Variants in CARF observed in about 807,000 individuals in gnomAD.
CARF encodes calcium responsive transcription factor, also known as calcium-responsive transcription factor.
Under a neutral mutation model 82.0 loss-of-function variants are expected in CARF, and 57 were observed. The ratio of observed to expected loss-of-function variants is 0.70; its 90% confidence interval spans 0.56 to 0.87. The LOEUF (loss-of-function observed/expected upper bound fraction) is 0.87. Ranked by LOEUF, CARF falls within the 40% of genes least tolerant of loss-of-function variation. CARF has a pLI of 0.00. For synonymous variants in CARF, 268 were observed against 290.1 expected (o/e 0.92, Z 0.77); for missense variants, 771 against 855.8 (o/e 0.90, Z 1.24).
In CARF at chr2:202,983,489, T is replaced by C; in HGVS notation, c.2060-17T>C. 6.9e-7 allele frequency: 1 copy of C among 1,454,364 alleles called. No homozygotes were observed. Among genetic ancestry groups the C allele is most frequent in the South Asian group, 1.2e-5 (1 of 82,794 alleles). The allele number at this position is 1,454,364 out of a possible 1,614,324, so 90.1% of individuals were successfully genotyped here. A position where few individuals can be genotyped will look rare whatever the true frequency, so the allele number is the denominator to read the frequency against. On this transcript the variant is annotated splice_polypyrimidine_tract_variant and intron_variant, in intron 16 of 16. Transcript: ENST00000438828. Reference sequence around the variant, plus strand: ...GAAATAGATTAACTTTTAGGATTTTTCTGTTTGTTTTTAAAGTTGAAGAAA... The same window carrying C: ...GAAATAGATTAACTTTTAGGATTTTCCTGTTTGTTTTTAAAGTTGAAGAAA...
At chr2:202,932,914 G>A (rs1559200811) in intron 3 of CARF, among the ~76,000 whole-genome samples, 1 of 152,080 alleles carries the variant, frequency 6.6e-6, no homozygotes. Flanking sequence ...CCCTGGGATG[G>A]GCAGCTGCTC....
Position 202,912,933 on chromosome 2 carries a change from T to G in CARF, c.-499T>G, listed in dbSNP as rs1688906072. The G allele has an allele frequency of 6.6e-6, 1 of 152,270 alleles. No homozygotes were observed. Among genetic ancestry groups the G allele is most frequent in the Non-Finnish European group, 1.5e-5 (1 of 68,072 alleles). 9.4% of individuals were successfully genotyped at this position (152,270 alleles called of 1,614,324 possible). A position where few individuals can be genotyped will look rare whatever the true frequency, so the allele number is the denominator to read the frequency against. Reference sequence around the variant, plus strand: ...TGTCTTGAAGTTACCCAAAGGCCTGTGTATTGTTCTCAATGGTCCCAAGAA... The same window carrying G: ...TGTCTTGAAGTTACCCAAAGGCCTGGGTATTGTTCTCAATGGTCCCAAGAA... On this transcript the variant is annotated 5_prime_UTR_variant, in exon 1 of 17. Coordinates refer to ENST00000438828, the MANE Select transcript of CARF (RefSeq NM_024744.17).
chr2:202,951,105 A>C (rs2058736221), intron 5 of CARF, among the ~76,000 whole-genome samples: 1 of 152,086 alleles, frequency 6.6e-6, no homozygotes, highest in African/African-American at 2.4e-5. Flanking sequence ...GGAGTACAGC[A>C]GCATGATCAC....
chr2:202,972,847 T>C (rs1256388417), intron 12 of CARF, among the ~76,000 whole-genome samples: 2 of 152,164 alleles, frequency 1.3e-5, no homozygotes, highest in Non-Finnish European at 2.9e-5. Flanking sequence ...AAGGCATGAA[T>C]AGGTTCTCGA....
intron 3 of CARF, among the ~76,000 whole-genome samples, chr2:202,926,278 G>A (rs181040412): frequency 1.3e-5 from 2 of 152,206 alleles, no homozygotes; most frequent in Admixed American, 6.5e-5. Flanking sequence ...TTTCATGCTC[G>A]CAACTGAAAA....
Position 202,954,108 on chromosome 2 carries a change from C to T in CARF, c.531C>T (p.Phe177=). ...SNYILHPQTS[F]PLPKKSVTGM... is the part of the protein sequence containing the mutation. ...ACATTCTTCATCCTCAAACATCCTTCCCATTGCCCAAAAAGTCAGTGACCG... is the reference window on the plus strand; with the variant it reads ...ACATTCTTCATCCTCAAACATCCTTTCCATTGCCCAAAAAGTCAGTGACCG... The change falls in exon 7 of 17, where the codon TTC becomes TTT. Residue 177 remains phenylalanine (F), a synonymous_variant. Transcript: ENST00000438828. The T allele has an allele frequency of 1.2e-6, 2 of 1,613,198 alleles. No individual in the cohort carries two copies. Among genetic ancestry groups the T allele is most frequent in the Non-Finnish European group, 1.7e-6 (2 of 1,179,602 alleles).
intron 3 of CARF, among the ~76,000 whole-genome samples, chr2:202,926,139 C>G (rs1351853185): frequency 2.6e-5 from 4 of 152,148 alleles, no homozygotes; most frequent in African/African-American, 9.7e-5. Flanking sequence ...CCTCCTCTGG[C>G]CGACCAGAGC....
intron 7 of CARF, 30 bp from the exon 8 acceptor site, chr2:202,955,644 A>G (rs375665217): frequency 1.3e-6 from 2 of 1,521,328 alleles, no homozygotes; most frequent in Non-Finnish European, 1.8e-6. Flanking sequence ...ATTGAACTGC[A>G]TATTTATATA....
Position 202,986,507 on chromosome 2 carries a change from T to C in CARF, c.*2883T>C, listed in dbSNP as rs1447983551. On this transcript the variant is annotated 3_prime_UTR_variant, in exon 17 of 17. Coordinates refer to ENST00000438828, the MANE Select transcript of CARF (RefSeq NM_024744.17). Reference sequence around the variant, plus strand: ...TACAGCTCAGCTTGTTTATTCATTATAGTTTCCACATTTCCAACTTCCAAG... The same window carrying C: ...TACAGCTCAGCTTGTTTATTCATTACAGTTTCCACATTTCCAACTTCCAAG... 3 of 152,096 alleles carry C rather than the reference T, an allele frequency of 2.0e-5. No individual in the cohort carries two copies. Among genetic ancestry groups the C allele is most frequent in the Non-Finnish European group, 4.4e-5 (3 of 67,964 alleles). The allele number at this position is 152,096 out of a possible 1,614,324, so 9.4% of individuals were successfully genotyped here. A position where few individuals can be genotyped will look rare whatever the true frequency, so the allele number is the denominator to read the frequency against.
rs551036205 is a variant in CARF at position 202,926,240 on chromosome 2, T to C, written c.-44+1825T>C. On this transcript the variant is annotated intron_variant, in intron 3 of 16. Transcript: ENST00000438828. ...ACCTCAGCCCACCCTTAAGGGAACC[T>C]AGGGTGGTTCCTAGACGACCGCCTC... Among the ~76,000 whole-genome samples, 9 of 152,226 alleles carry C rather than the reference T, an allele frequency of 5.9e-5. No homozygotes were observed. In the South Asian group the frequency reaches 1.9e-3, roughly 32 times the overall value.
At position 202,969,944 on chromosome 2, in the gene CARF, T is replaced by A; in HGVS notation, c.979T>A (p.Phe327Ile). 1 of 1,533,592 alleles carries A rather than the reference T, an allele frequency of 6.5e-7. No individual in the cohort carries two copies. The highest frequency in any genetic ancestry group is 8.7e-7 in the Non-Finnish European group (1 of 1,146,290). The allele number at this position is 1,533,592 out of a possible 1,614,324, so 95.0% of individuals were successfully genotyped here. The change falls in exon 11 of 17, where the codon TTT becomes ATT. Residue 327 changes from phenylalanine to isoleucine, a missense_variant. Transcript: ENST00000438828. ...ARIYIKKVQK[F>I]PEYRVPTDPK... ...GATTTACATTAAAAAGGTACAGAAG[T>A]TTCCTGAATATAGAGTTCCTACAGA...
At chr2:202,930,095 T>A (rs112758517) in intron 3 of CARF, among the ~76,000 whole-genome samples, 1 of 152,106 alleles carries the variant, frequency 6.6e-6, no homozygotes, top group Non-Finnish European at 1.5e-5. Context: ...TCGCCCAGGC[T>A]GGAGTGCAGT....
At position 202,954,837 on chromosome 2, in the gene CARF, G is replaced by A. The variant is rs180732712; in HGVS notation, c.557+703G>A. 5.8e-3 allele frequency among the ~76,000 whole-genome samples: 875 copies of A among 150,716 alleles called. 9 individuals carry two copies. The highest frequency in any genetic ancestry group is 0.014 in the Middle Eastern group (4 of 294). On this transcript the variant is annotated intron_variant, in intron 7 of 16. Coordinates refer to ENST00000438828, the MANE Select transcript of CARF (RefSeq NM_024744.17). ...ATCCTGGCTAACACGGTAAAACCCC[G>A]TCTCTACTAAAAATACAAAAAAAAA...
intron 10 of CARF, among the ~76,000 whole-genome samples, chr2:202,969,586 T>C (rs913976206): frequency 7.3e-6 from 1 of 136,160 alleles, no homozygotes; most frequent in South Asian, 2.1e-4. Flanking sequence ...AAAAAATAAA[T>C]AAATAAATAA....
intron 2 of CARF, among the ~76,000 whole-genome samples, chr2:202,922,752 C>G (rs1178131054): frequency 6.6e-6 from 1 of 151,800 alleles, no homozygotes; most frequent in Non-Finnish European, 1.5e-5. Flanking sequence ...TTGCAGTGAG[C>G]TGAGATTAAG....
At chr2:202,915,960 A>G (rs1487241927) in intron 1 of CARF, among the ~76,000 whole-genome samples, 1 of 152,160 alleles carries the variant, frequency 6.6e-6, no homozygotes, top group Admixed American at 6.5e-5. Context: ...GCATGCATTT[A>G]AAAGTTCGAT....
At chr2:202,932,137 T>A (rs1693052280) in intron 3 of CARF, among the ~76,000 whole-genome samples, 1 of 152,114 alleles carries the variant, frequency 6.6e-6, no homozygotes, top group South Asian at 2.1e-4. Flanking sequence ...GATCTCACTA[T>A]CTCAAGGAGA....
rs1268462252 is a variant in CARF at position 202,984,379 on chromosome 2, T to A, written c.*755T>A. Reference sequence around the variant, plus strand: ...TATGTAGCATGGATTTGTGCTATATTGGAAGTAAAACACTATAGGCAGAAA... The same window carrying A: ...TATGTAGCATGGATTTGTGCTATATAGGAAGTAAAACACTATAGGCAGAAA... On this transcript the variant is annotated 3_prime_UTR_variant, in exon 17 of 17. Transcript: ENST00000438828. 1 of 152,290 alleles carries A rather than the reference T, an allele frequency of 6.6e-6. No homozygotes were observed. The highest frequency in any genetic ancestry group is 2.4e-5 in the African/African-American group (1 of 41,578). 9.4% of individuals were successfully genotyped at this position (152,290 alleles called of 1,614,324 possible).
At chr2:202,930,141 G>A (rs1397115769) in intron 3 of CARF, among the ~76,000 whole-genome samples, 1 of 152,048 alleles carries the variant, frequency 6.6e-6, no homozygotes, top group African/African-American at 2.4e-5. Context: ...TCTGCCTCCT[G>A]GGCTCAAGCG....
Sources: gnomAD v4.1 joint callset for allele counts (sites outside exome capture counted in the v4.1 genomes callset) on GRCh38, gnomAD v4.1.1 for gene constraint, MANE v1.5 for transcripts, NCBI Gene and HGNC (gene_info 2026-07-23, HGNC 2026-07-21) for gene names.